The following MED27 variants were observed in gnomAD, a reference collection of about 807,000 sequenced individuals.
MED27 encodes the protein mediator of RNA polymerase II transcription subunit 27.
A neutral mutation model predicts 38.2 loss-of-function variants in MED27; 30 were observed. The observed-to-expected ratio is 0.79, with a 90% CI of 0.59 to 1.07. The LOEUF is 1.07. Ranked by LOEUF, MED27 falls within the 50% of genes least tolerant of loss-of-function variation. The pLI, the probability that MED27 is intolerant of heterozygous loss-of-function variation, is 0.00. For synonymous variants in MED27, 122 were observed against 153.5 expected, an observed-to-expected ratio of 0.79 and a Z score of 1.52; for missense variants, 289 against 397.5, an observed-to-expected ratio of 0.73 and a Z score of 2.32.
intron 3 of MED27, among the ~76,000 whole-genome samples, chr9:131,970,284 G>A (rs932207635): frequency 6.6e-6 from 1 of 152,232 alleles, no homozygotes; most frequent in East Asian, 1.9e-4. Context: ...CGGGACGCCC[G>A]GAGTGGAAGG....
chr9:132,044,155 A>T (rs1291781123), intron 2 of MED27, among the ~76,000 whole-genome samples: 4 of 152,150 alleles, frequency 2.6e-5, no homozygotes, highest in Non-Finnish European at 5.9e-5. Flanking sequence ...GGGAGGAGGG[A>T]AGGGAGAAGT....
chr9:131,935,520 G>A (rs541607425), intron 4 of MED27, among the ~76,000 whole-genome samples: 3 of 152,268 alleles, frequency 2.0e-5, no homozygotes, highest in African/African-American at 4.8e-5. Context: ...GACATTAGAC[G>A]ACAATGATCA....
At chr9:132,019,607 T>G (rs1832676772) in intron 2 of MED27, among the ~76,000 whole-genome samples, 2 of 152,176 alleles carry the variant, frequency 1.3e-5, no homozygotes, top group African/African-American at 4.8e-5. Flanking sequence ...GATGCCAATC[T>G]TCCCCCCTAC....
chr9:131,915,097 A>T (rs941950291), intron 4 of MED27, among the ~76,000 whole-genome samples: 5 of 152,212 alleles, frequency 3.3e-5, no homozygotes, highest in Non-Finnish European at 7.3e-5. Context: ...ATTTAAAGCC[A>T]TGAGATGTAT....
In MED27 at chr9:131,889,113, T is replaced by A. The variant is rs1242299429; in HGVS notation, c.681+4772A>T. ...TGCATCTGATATCAAACAGGGCTGA[T>A]GCCAACACTTATTAGAGAAATCAGA... is the stretch of plus-strand genomic sequence containing the variant. On this transcript the variant is annotated intron_variant, in intron 5 of 7. Transcript: ENST00000292035. The surrounding 1 kb of genome is among the most constrained non-coding windows in gnomAD (Gnocchi z 4.2). Among the ~76,000 whole-genome samples the A allele has an allele frequency of 2.0e-5, 3 of 152,198 alleles. No homozygotes were observed. Among genetic ancestry groups the A allele is most frequent in the African/African-American group, 4.8e-5 (2 of 41,452 alleles).
chr9:131,927,683 G>A (rs1468841742), intron 4 of MED27, among the ~76,000 whole-genome samples: 1 of 152,192 alleles, frequency 6.6e-6, no homozygotes, highest in African/African-American at 2.4e-5. Context: ...TGGCCCCGAA[G>A]CCCTGGTGCT....
At chr9:131,888,733 C>T (rs1839181136) in intron 5 of MED27, among the ~76,000 whole-genome samples, 1 of 152,104 alleles carries the variant, frequency 6.6e-6, no homozygotes, top group Non-Finnish European at 1.5e-5. Flanking sequence ...TGCTGCAAAC[C>T]AGCTATGGTG....
In MED27 at chr9:132,051,512, G is replaced by T. The variant is rs1020116826; in HGVS notation, c.348+25930C>A. 6.6e-6 allele frequency among the ~76,000 whole-genome samples: 1 copy of T among 152,118 alleles called. No homozygotes were observed. Among genetic ancestry groups the T allele is most frequent in the Non-Finnish European group, 1.5e-5 (1 of 68,032 alleles). ...CCCATCCCCTGCCCCTCCTTAGCTA[G>T]ACATAAAGACTGTGGAAATATGCAC... On this transcript the variant is annotated intron_variant, in intron 2 of 7. Transcript: ENST00000292035. The surrounding 1 kb of genome is among the most constrained non-coding windows in gnomAD (Gnocchi z 4.2).
At chr9:131,868,839 C>T (rs4072062) in intron 6 of MED27, 666,688 of 985,290 alleles carry the variant, frequency 0.68, 226,257 homozygotes, top group Admixed American at 0.71. Context: ...CAGGCACAGG[C>T]TGGGAGATTC....
At chr9:132,076,051 G>A (rs1232676184) in intron 2 of MED27, among the ~76,000 whole-genome samples, 1 of 152,114 alleles carries the variant, frequency 6.6e-6, no homozygotes, top group Non-Finnish European at 1.5e-5. Flanking sequence ...GACACTGGGA[G>A]GTCACCAGGT....
chr9:131,938,802 C>A (rs187674389), intron 4 of MED27, among the ~76,000 whole-genome samples: 1 of 151,942 alleles, frequency 6.6e-6, no homozygotes, highest in East Asian at 1.9e-4. Context: ...CAAGCTCCGC[C>A]TCCCAGGTTC....
At chr9:131,931,891 CACAAT>C (rs1830594776) in intron 4 of MED27, among the ~76,000 whole-genome samples, 1 of 152,024 alleles carries the variant, frequency 6.6e-6, no homozygotes, top group Non-Finnish European at 1.5e-5. Flanking sequence ...AGAGACAGGC[CACAAT>C]ACAATAATTT....
intron 4 of MED27, among the ~76,000 whole-genome samples, chr9:131,921,698 T>C (rs1281704795): frequency 1.3e-5 from 2 of 152,172 alleles, no homozygotes; most frequent in Non-Finnish European, 2.9e-5. Flanking sequence ...GGATTATAAA[T>C]CATGCAGCTA....
intron 2 of MED27, among the ~76,000 whole-genome samples, chr9:132,074,443 T>C (rs1294443072): frequency 1.3e-5 from 2 of 152,236 alleles, no homozygotes; most frequent in Admixed American, 6.5e-5. Flanking sequence ...GCCTTTCTCA[T>C]ATGTCCTTCA....
chr9:131,934,695 CA>C (rs1830649689), intron 4 of MED27, among the ~76,000 whole-genome samples: 1 of 152,134 alleles, frequency 6.6e-6, no homozygotes, highest in Admixed American at 6.5e-5. Flanking sequence ...TATGACCCAG[CA>C]ATCCCACTGC....
intron 4 of MED27, among the ~76,000 whole-genome samples, chr9:131,933,535 A>G (rs1334893407): frequency 6.6e-6 from 1 of 152,156 alleles, no homozygotes; most frequent in East Asian, 1.9e-4. Context: ...CCTGGAATCA[A>G]CCAAAGAAAC....
intron 2 of MED27, among the ~76,000 whole-genome samples, chr9:132,075,886 T>A (rs1025195843): frequency 1.3e-5 from 2 of 152,136 alleles, no homozygotes; most frequent in South Asian, 2.1e-4. Context: ...CCTGCATCCA[T>A]CCCTTCCGGG....
chr9:132,077,004 CATCT>C (rs1378910146), intron 2 of MED27, among the ~76,000 whole-genome samples: 1 of 152,186 alleles, frequency 6.6e-6, no homozygotes, highest in African/African-American at 2.4e-5. Context: ...GATGCTCATC[CATCT>C]GTGACAGAGG....
chr9:132,067,780 C>T (rs539648039), intron 2 of MED27, among the ~76,000 whole-genome samples: 2 of 151,556 alleles, frequency 1.3e-5, no homozygotes, highest in Admixed American at 6.6e-5. Flanking sequence ...GGTGTGATCT[C>T]GGCTCATTGC....
Sources: allele counts gnomAD v4.1 joint callset (sites outside exome capture counted in the v4.1 genomes callset), GRCh38; gene constraint gnomAD v4.1.1; non-coding constraint Gnocchi (gnomAD v3.1); transcripts MANE v1.5; gene names NCBI Gene and HGNC (gene_info 2026-07-23, HGNC 2026-07-21).